The following RBFOX1 variants were observed in gnomAD, a reference collection of about 807,000 sequenced individuals.
RBFOX1 encodes the protein RNA binding fox-1 homolog 1, also known as RNA binding protein fox-1 homolog 1.
RBFOX1 carries 8 observed loss-of-function variants against 57.7 expected under a neutral mutation model. That is an observed-to-expected ratio of 0.14 (90% CI 0.08 to 0.25). The LOEUF (loss-of-function observed/expected upper bound fraction) is 0.25, where lower values mean the gene tolerates loss of function less well. Ranked by LOEUF, RBFOX1 falls within the 10% of genes least tolerant of loss-of-function variation. The pLI is 1.00. For missense variants in RBFOX1, 611 were observed against 548.5 expected (o/e 1.11, Z -1.14); for synonymous variants, 326 against 222.4 (o/e 1.47, Z -4.15).
intron 1 of RBFOX1, among the ~76,000 whole-genome samples, chr16:5,255,621 C>T (rs188142151): frequency 6.6e-6 from 1 of 151,972 alleles, no homozygotes; most frequent in African/African-American, 2.4e-5. Flanking sequence ...TTTCTCCACC[C>T]ACTCAACCAT....
intron 4 of RBFOX1, among the ~76,000 whole-genome samples, chr16:7,414,826 C>T (rs1008996580): frequency 1.3e-5 from 2 of 152,184 alleles, no homozygotes; most frequent in Admixed American, 6.5e-5. Context: ...CCATGTTAGC[C>T]AGGCTGGTCT....
chr16:5,686,107 A>C (rs1172618504), intron 3 of RBFOX1, among the ~76,000 whole-genome samples: 1 of 152,176 alleles, frequency 6.6e-6, no homozygotes, highest in African/African-American at 2.4e-5. Context: ...GATGAAAAGA[A>C]GATGGAGACT....
chr16:7,706,291 G>T (rs2082414657), intron 14 of RBFOX1, among the ~76,000 whole-genome samples: 1 of 152,142 alleles, frequency 6.6e-6, no homozygotes, highest in Non-Finnish European at 1.5e-5. Flanking sequence ...AAAACCATTG[G>T]ATTCTGAAGG....
At chr16:6,148,972 A>G (rs1158486383) in intron 1 of RBFOX1, among the ~76,000 whole-genome samples, 3 of 152,202 alleles carry the variant, frequency 2.0e-5, no homozygotes, top group African/African-American at 7.2e-5. Flanking sequence ...AAGAAAAAAA[A>G]GAAAAGGGGG....
intron 4 of RBFOX1, among the ~76,000 whole-genome samples, chr16:7,514,056 C>T (rs1291737389): frequency 6.6e-6 from 1 of 152,092 alleles, no homozygotes; most frequent in Non-Finnish European, 1.5e-5. Flanking sequence ...GGCTTCTTAA[C>T]TGGTGATCCC....
At chr16:7,699,003 G>A (rs2079736431) in intron 14 of RBFOX1, among the ~76,000 whole-genome samples, 1 of 152,190 alleles carries the variant, frequency 6.6e-6, no homozygotes, top group Admixed American at 6.5e-5. Flanking sequence ...AATTCTAGAA[G>A]AATGCACCAA....
chr16:7,164,187 C>A (rs1300437933), intron 4 of RBFOX1, among the ~76,000 whole-genome samples: 1 of 152,114 alleles, frequency 6.6e-6, no homozygotes, highest in Non-Finnish European at 1.5e-5. Context: ...CATAGCTTAG[C>A]CCCCACATAT....
intron 4 of RBFOX1, among the ~76,000 whole-genome samples, chr16:5,976,983 T>C (rs749827616): frequency 6.6e-6 from 1 of 152,148 alleles, no homozygotes; most frequent in South Asian, 2.1e-4. Context: ...CAAAGTCTGA[T>C]CTTTGATACA....
chr16:6,414,678 T>C (rs1220892253), intron 2 of RBFOX1, among the ~76,000 whole-genome samples: 1 of 152,208 alleles, frequency 6.6e-6, no homozygotes, highest in Non-Finnish European at 1.5e-5. Context: ...TTGTAGACTG[T>C]GTGCCAGTCA....
chr16:5,637,393 G>A (rs2048716540), intron 3 of RBFOX1, among the ~76,000 whole-genome samples: 1 of 152,114 alleles, frequency 6.6e-6, no homozygotes, highest in Non-Finnish European at 1.5e-5. Context: ...TTTCTGCTCA[G>A]CTCCTTCCCA....
rs1178366526 is a variant in RBFOX1 at position 5,455,025 on chromosome 16, C to CTTTCTTTCTTTCTT, written c.220-12190_220-12189insTTCTTTCTTTCTTT. 1.2e-3 allele frequency among the ~76,000 whole-genome samples: 94 copies of CTTTCTTTCTTTCTT among 79,410 alleles called. 1 individual carries two copies. Among genetic ancestry groups the CTTTCTTTCTTTCTT allele is most frequent in the Middle Eastern group, 6.4e-3 (1 of 156 alleles). The allele number at this position is 79,410 out of a possible 152,430, so 52.1% of individuals were successfully genotyped here. On this transcript the variant is annotated intron_variant, in intron 1 of 2. Transcript: ENST00000585867. ...TTTCTTTCTTTCTTTCTTTCTTTCT[C>CTTTCTTTCTTTCTT]TCTCTCTGTCTGTCTCTCTTTCTTT...
At chr16:5,401,902 C>T (rs550639647) in intron 1 of RBFOX1, among the ~76,000 whole-genome samples, 1 of 151,982 alleles carries the variant, frequency 6.6e-6, no homozygotes, top group Non-Finnish European at 1.5e-5. Context: ...TCTTTCTTTT[C>T]TCTATTTTTA....
intron 14 of RBFOX1, chr16:7,693,497 T>A: frequency 1.4e-6 from 1 of 710,912 alleles, no homozygotes; most frequent in Non-Finnish European, 2.3e-6. Flanking sequence ...AAAAAGATCT[T>A]ATATCTTTGG....
intron 1 of RBFOX1, among the ~76,000 whole-genome samples, chr16:6,312,866 A>T (rs1388505363): frequency 6.6e-6 from 1 of 152,038 alleles, no homozygotes; most frequent in Non-Finnish European, 1.5e-5. Flanking sequence ...AGTGAGCAAA[A>T]CCCACACAGC....
chr16:6,957,695 G>C (rs1389333012), intron 3 of RBFOX1, among the ~76,000 whole-genome samples: 2 of 152,158 alleles, frequency 1.3e-5, no homozygotes, highest in African/African-American at 2.4e-5. Flanking sequence ...TCAGGGGAAA[G>C]TAGCCCAGCA....
At chr16:7,525,780 T>A (rs930124587) in intron 5 of RBFOX1, among the ~76,000 whole-genome samples, 1 of 152,206 alleles carries the variant, frequency 6.6e-6, no homozygotes, top group Non-Finnish European at 1.5e-5. Flanking sequence ...TCTTGTTTTG[T>A]TACATCAACC....
At chr16:6,373,698 G>A (rs1159029853) in intron 2 of RBFOX1, among the ~76,000 whole-genome samples, 2 of 152,072 alleles carry the variant, frequency 1.3e-5, no homozygotes, top group African/African-American at 4.8e-5. Context: ...TCATGCAAGA[G>A]CATTTGGGTT....
At chr16:5,461,004 G>A (rs77253654) in intron 1 of RBFOX1, among the ~76,000 whole-genome samples, 1,897 of 152,238 alleles carry the variant, frequency 0.012, 20 homozygotes, top group Non-Finnish European at 0.021. Flanking sequence ...ACAAGGAAAG[G>A]AATGTCTGCA....
intron 4 of RBFOX1, among the ~76,000 whole-genome samples, chr16:7,444,100 T>A (rs1480775922): frequency 6.6e-6 from 1 of 152,268 alleles, no homozygotes; most frequent in Non-Finnish European, 1.5e-5. Flanking sequence ...AAACTCTTGA[T>A]GAATCACGTT....
Sources: gnomAD v4.1 joint callset for allele counts (sites outside exome capture counted in the v4.1 genomes callset) on GRCh38, gnomAD v4.1.1 for gene constraint, MANE v1.5 for transcripts, NCBI Gene and HGNC (gene_info 2026-07-23, HGNC 2026-07-21) for gene names.